The following ABCA12 variants were observed in gnomAD, a reference collection of about 807,000 sequenced individuals.
ABCA12 encodes glucosylceramide transporter ABCA12.
In ABCA12, 156 loss-of-function variants were observed where a neutral mutation model predicts 293.5. The observed-to-expected ratio is 0.53, with a 90% CI of 0.47 to 0.61. The LOEUF is 0.61. Among genes scored for constraint, ABCA12 ranks in the 20% least tolerant of loss-of-function variants. The probability of loss-of-function intolerance (pLI) is 0.00; values close to 1 mark genes in which losing one functional copy is unlikely to be tolerated. For synonymous variants in ABCA12, 1,063 were observed against 1,108.0 expected, an observed-to-expected ratio of 0.96 and a Z score of 0.81; for missense variants, 2,797 against 3,090.2, an observed-to-expected ratio of 0.91 and a Z score of 2.25.
chr2:214,956,833 A>C, intron 41 of ABCA12, 55 bp from the exon 42 acceptor site: 1 of 1,293,404 alleles, frequency 7.7e-7, no homozygotes, highest in Non-Finnish European at 1.1e-6. Context: ...TTCAAAAAAA[A>C]AAAAATCAAT....
At chr2:215,045,757 C>G in intron 7 of ABCA12, 80 bp downstream of exon 7, 1 of 1,277,992 alleles carries the variant, frequency 7.8e-7, no homozygotes, top group Admixed American at 1.9e-5. Context: ...ACCCAGATAA[C>G]AGTAATCATC....
At chr2:214,998,648 G>C (rs1700083027) in intron 22 of ABCA12, among the ~76,000 whole-genome samples, 1 of 152,308 alleles carries the variant, frequency 6.6e-6, no homozygotes, top group Admixed American at 6.5e-5. Context: ...TTAAATTGGA[G>C]TGGTTCTCAA....
chr2:214,978,146 G>A lies in ABCA12; in HGVS notation c.5128+170C>T, dbSNP rs189188077. Among the ~76,000 whole-genome samples the A allele has an allele frequency of 2.0e-5, 3 of 152,214 alleles. No individual in the cohort carries two copies. The East Asian group carries it at 5.8e-4, about 29-fold the overall frequency. On this transcript the variant is annotated intron_variant, in intron 33 of 52. Transcript: ENST00000272895. The stretch of plus-strand genomic sequence containing the variant: ...CTTTTGAAATAGAGAATTCGATTTG[G>A]TTTAATGAATATTTTATATCTTAAA...
At chr2:214,960,562 C>T (rs1341162835) in intron 39 of ABCA12, 3 of 152,054 alleles carry the variant, frequency 2.0e-5, no homozygotes, top group Non-Finnish European at 4.4e-5. Context: ...TCTACAGCAT[C>T]CAGCATGATG....
At chr2:215,126,814 A>G (rs1332647344) in intron 1 of ABCA12, among the ~76,000 whole-genome samples, 1 of 150,434 alleles carries the variant, frequency 6.6e-6, no homozygotes, top group African/African-American at 2.4e-5. Context: ...GATCTCGGTT[A>G]TTTTCTTTCT....
chr2:214,977,227 A>C (rs1699537913), intron 33 of ABCA12, among the ~76,000 whole-genome samples: 1 of 152,204 alleles, frequency 6.6e-6, no homozygotes, highest in South Asian at 2.1e-4. Context: ...AGATAATGTC[A>C]ATGAAGGGAA....
intron 3 of ABCA12, among the ~76,000 whole-genome samples, chr2:215,061,744 C>A (rs1292154721): frequency 1.4e-5 from 2 of 145,092 alleles, no homozygotes; most frequent in Non-Finnish European, 3.1e-5. Context: ...GGAGGTAAAA[C>A]TAAAATTAAG....
intron 23 of ABCA12, among the ~76,000 whole-genome samples, chr2:214,994,005 T>C (rs1699981817): frequency 6.6e-6 from 1 of 152,038 alleles, no homozygotes; most frequent in Non-Finnish European, 1.5e-5. Flanking sequence ...TGAAACAGGG[T>C]GAGTTAGGTG....
intron 49 of ABCA12, among the ~76,000 whole-genome samples, chr2:214,944,633 C>T (rs1342278904): frequency 6.6e-6 from 1 of 151,728 alleles, no homozygotes; most frequent in African/African-American, 2.4e-5. Flanking sequence ...AGATTCTGAA[C>T]TTTATTTGAC....
At chr2:215,000,560 A>G (rs1700122512) in intron 22 of ABCA12, 145 bp downstream of exon 22, 2 of 841,472 alleles carry the variant, frequency 2.4e-6, no homozygotes, top group South Asian at 1.5e-5. Flanking sequence ...TATGCCCTAT[A>G]GTGTGAACTC....
chr2:214,952,228 T>G (rs2105929326), intron 44 of ABCA12, among the ~76,000 whole-genome samples: 1 of 150,670 alleles, frequency 6.6e-6, no homozygotes, highest in South Asian at 2.1e-4. Flanking sequence ...TGTTGTTTTT[T>G]TTTTTTTTTT....
chr2:215,127,612 C>A (rs955137317), intron 1 of ABCA12, among the ~76,000 whole-genome samples: 2 of 152,122 alleles, frequency 1.3e-5, no homozygotes, highest in African/African-American at 4.8e-5. Context: ...AGAATAGGTA[C>A]CGCTGCTTGC....
chr2:215,089,863 C>A (rs1237430047), intron 2 of ABCA12, among the ~76,000 whole-genome samples: 1 of 152,142 alleles, frequency 6.6e-6, no homozygotes, highest in Non-Finnish European at 1.5e-5. Flanking sequence ...AAGTGGTGTT[C>A]TTTGACTAAG....
At position 214,944,991 on chromosome 2, in the gene ABCA12, C is replaced by T. The variant is rs576859285; in HGVS notation, c.7343+10G>A. On this transcript the variant is annotated intron_variant, in intron 49 of 52. Coordinates refer to ENST00000272895, the MANE Select transcript of ABCA12 (RefSeq NM_173076.3). ...GTGTGGATTCGCTTTAAAGATTCCA[C>T]TCAGTTTACCTGTGAGATGTGAGGA... The T allele has an allele frequency of 9.2e-5, 149 of 1,611,758 alleles. No individual in the cohort carries two copies. The highest frequency in any genetic ancestry group is 1.2e-4 in the Non-Finnish European group (146 of 1,178,446).
intron 2 of ABCA12, among the ~76,000 whole-genome samples, chr2:215,103,512 C>T (rs1702401891): frequency 6.6e-6 from 1 of 151,936 alleles, no homozygotes; most frequent in African/African-American, 2.4e-5. Context: ...TCAGGTGATC[C>T]ACCCAACTCA....
chr2:214,937,547 T>G lies in ABCA12; in HGVS notation c.7505A>C (p.Lys2502Thr). ...NNKVTMETLT[K>T]FMQLHFPKTY... is the part of the protein sequence containing the mutation. The stretch of plus-strand genomic sequence containing the variant: ...TTTTGGAAAGTGCAGCTGCATGAAC[T>G]TTGTGAGGGTCTCCATGGTCACTTT... Residue 2502 changes from lysine to threonine, a missense_variant, in exon 51 of 53, where the codon AAG (lysine) becomes ACG (threonine). This residue lies in a region of ABCA12 where 2,130 missense variants were observed against 2,427.0 expected (regional missense o/e 0.88). Transcript: ENST00000272895. The G allele has an allele frequency of 6.2e-7, 1 of 1,613,954 alleles. No individual in the cohort carries two copies. The highest frequency in any genetic ancestry group is 8.5e-7 in the Non-Finnish European group (1 of 1,179,912).
chr2:214,943,005 A>G lies in ABCA12; in HGVS notation c.7356T>C (p.Cys2452=). 6.2e-7 allele frequency: 1 copy of G among 1,613,204 alleles called. No individual in the cohort carries two copies. Among genetic ancestry groups the G allele is most frequent in the Non-Finnish European group, 8.5e-7 (1 of 1,179,712 alleles). The change falls in exon 50 of 53, where the codon TGT becomes TGC. Residue 2452 remains cysteine, a synonymous_variant. Coordinates refer to ENST00000272895, the MANE Select transcript of ABCA12 (RefSeq NM_173076.3). ...TGGCCAACCTGGTACAGAGAGCTTC[A>G]CATTCTTCCATGCTAAAAGACAAAG... is the stretch of plus-strand genomic sequence containing the variant. ...VILTSHSMEE[C]EALCTRLAIM...
chr2:215,110,883 G>T (rs1381424116), intron 2 of ABCA12, among the ~76,000 whole-genome samples: 1 of 152,170 alleles, frequency 6.6e-6, no homozygotes, highest in Non-Finnish European at 1.5e-5. Flanking sequence ...TGTCTGGTTT[G>T]ACTTTTCCTC....
intron 2 of ABCA12, among the ~76,000 whole-genome samples, chr2:215,073,326 T>C (rs1367388156): frequency 6.6e-6 from 1 of 152,136 alleles, no homozygotes. Flanking sequence ...TAAATATACA[T>C]TAATTTTTTT....
Sources: allele counts gnomAD v4.1 joint callset (sites outside exome capture counted in the v4.1 genomes callset), GRCh38; gene constraint gnomAD v4.1.1; regional missense constraint gnomAD v4.1.1; transcripts MANE v1.5; gene names NCBI Gene and HGNC (gene_info 2026-07-23, HGNC 2026-07-21).